The following TBCD variants were observed in gnomAD, a reference collection of about 807,000 sequenced individuals.
TBCD encodes tubulin-specific chaperone D.
TBCD carries 105 observed loss-of-function variants against 169.3 expected under a neutral mutation model. The ratio of observed to expected loss-of-function variants is 0.62; its 90% CI spans 0.53 to 0.73. The LOEUF is 0.73. Among genes scored for constraint, TBCD ranks in the 30% least tolerant of loss-of-function variants. The pLI is 0.00. For missense variants in TBCD, 1,444 were observed against 1,600.1 expected (o/e 0.90, Z 1.66); for synonymous variants, 700 against 643.9 (o/e 1.09, Z -1.32).
chr17:82,796,599 A>G (rs1218565109), intron 7 of TBCD, among the ~76,000 whole-genome samples: 1 of 152,184 alleles, frequency 6.6e-6, no homozygotes, highest in Non-Finnish European at 1.5e-5. Flanking sequence ...GCTCTGCTCC[A>G]CAGGCGTGAC....
intron 15 of TBCD, among the ~76,000 whole-genome samples, chr17:82,886,979 T>C (rs1207088436): frequency 1.3e-5 from 2 of 151,728 alleles, no homozygotes; most frequent in East Asian, 2.0e-4. Flanking sequence ...GAGATTTACA[T>C]GGAGTTTTAA....
At chr17:82,781,875 C>T (rs2048968634) in intron 7 of TBCD, among the ~76,000 whole-genome samples, 154 bp downstream of exon 7, 2 of 152,196 alleles carry the variant, frequency 1.3e-5, no homozygotes, top group African/African-American at 4.8e-5. Flanking sequence ...TTTCCTTTTC[C>T]CTCTGCTTTG....
At chr17:82,783,684 T>C (rs2049104009) in intron 7 of TBCD, among the ~76,000 whole-genome samples, 1 of 152,224 alleles carries the variant, frequency 6.6e-6, no homozygotes, top group Non-Finnish European at 1.5e-5. Flanking sequence ...CAGTGCCTCG[T>C]TCCCTTTATG....
At chr17:82,881,836 A>G (rs1007988476) in intron 14 of TBCD, among the ~76,000 whole-genome samples, 6 of 151,994 alleles carry the variant, frequency 3.9e-5, no homozygotes. Flanking sequence ...CTTTCCATCT[A>G]TGAATTTCTG....
In TBCD at chr17:82,752,190, CG is replaced by C; in HGVS notation, c.-3del. 4.0e-6 allele frequency: 6 copies of C among 1,516,196 alleles called. No homozygotes were observed. Among genetic ancestry groups the C allele is most frequent in the Non-Finnish European group, 5.3e-6 (6 of 1,134,516 alleles). The allele number at this position is 1,516,196 out of a possible 1,614,324, so 93.9% of individuals were successfully genotyped here. On this transcript the variant is annotated 5_prime_UTR_variant, in exon 1 of 39. Transcript: ENST00000355528. The stretch of plus-strand genomic sequence containing the variant: ...GGCGGGGGCGCGGTCCCCAGGCTGC[CG>C]AGATGGCCCTGAGCGACGAACCGGC...
rs144024145 is a variant in TBCD at position 82,824,251 on chromosome 17, G to A, written c.1318+9317G>A. 8.3e-3 allele frequency among the ~76,000 whole-genome samples: 1,261 copies of A among 151,382 alleles called. 12 individuals are homozygous for A. The highest frequency in any genetic ancestry group is 0.03 in the African/African-American group (1,220 of 41,192). On this transcript the variant is annotated intron_variant, in intron 13 of 38. Transcript: ENST00000355528. ...GGCTGGAGTGCAGTGGTGCGATCTC[G>A]GCTCACTGCAAGCTCCGCCTCCCAG...
chr17:82,942,382 G>GT, intron 38 of TBCD, 67 bp from the exon 39 acceptor site: 1 of 1,609,010 alleles, frequency 6.2e-7, no homozygotes, highest in Non-Finnish European at 8.5e-7. Context: ...GAGGGGTGAG[G>GT]GTCCCCTGGC....
chr17:82,831,663 G>C lies in TBCD; in HGVS notation c.1318+16729G>C. On this transcript the variant is annotated intron_variant, in intron 13 of 38. Transcript: ENST00000355528. The surrounding 1 kb of genome is among the most constrained non-coding windows in gnomAD (Gnocchi z 4.6). ...GCAGGGGTGCGTCACACTCAGGCGA[G>C]CTCCCAGCCAGCAGGTAAGGCGAGT... 1 of 1,614,204 alleles carries C rather than the reference G, an allele frequency of 6.2e-7. No individual in the cohort carries two copies.
At chr17:82,777,561 C>G (rs950307183) in intron 6 of TBCD, among the ~76,000 whole-genome samples, 1 of 152,204 alleles carries the variant, frequency 6.6e-6, no homozygotes, top group Non-Finnish European at 1.5e-5. Flanking sequence ...ACGGGGGGCC[C>G]TTCCCTGCCT....
At position 82,808,443 on chromosome 17, in the gene TBCD, G is replaced by T. The variant is rs111325765; in HGVS notation, c.1148+775G>T. Among the ~76,000 whole-genome samples, 153 of 139,724 alleles carry T rather than the reference G, an allele frequency of 1.1e-3. 1 individual carries two copies. The highest frequency in any genetic ancestry group is 4.0e-3 in the African/African-American group (146 of 36,886). The allele number at this position is 139,724 out of a possible 152,430, so 91.7% of individuals were successfully genotyped here. On this transcript the variant is annotated intron_variant, in intron 11 of 38. Coordinates refer to ENST00000355528, the MANE Select transcript of TBCD (RefSeq NM_005993.5). Reference sequence around the variant, plus strand: ...GTGCGGGGGCAGTAGGTGTTGAGGTGGGGGGAGGCCCCTGCTGTGGAGGGG... The same window carrying T: ...GTGCGGGGGCAGTAGGTGTTGAGGTTGGGGGAGGCCCCTGCTGTGGAGGGG...
intron 6 of TBCD, among the ~76,000 whole-genome samples, chr17:82,773,675 GTCT>G (rs1340285680): frequency 2.0e-5 from 3 of 151,778 alleles, no homozygotes; most frequent in Admixed American, 1.3e-4. Context: ...GTGCGCCATT[GTCT>G]TCTTCCAAAA....
intron 6 of TBCD, among the ~76,000 whole-genome samples, chr17:82,777,604 G>A (rs1423995085): frequency 6.6e-6 from 1 of 152,190 alleles, no homozygotes; most frequent in Non-Finnish European, 1.5e-5. Context: ...AGAGGAGAAG[G>A]AGATAAACAG....
rs556335990 is a variant in TBCD, at chr17:82,805,780, C to T, written c.951-95C>T. The T allele has an allele frequency of 1.6e-4, 230 of 1,432,332 alleles. 1 individual carries two copies. The highest frequency in any genetic ancestry group is 5.3e-4 in the East Asian group (23 of 43,202). 88.7% of individuals were successfully genotyped at this position (1,432,332 alleles called of 1,614,324 possible). A position where few individuals can be genotyped will look rare whatever the true frequency, so the allele number is the denominator to read the frequency against. On this transcript the variant is annotated intron_variant, in intron 9 of 38. Transcript: ENST00000355528. ...AAAGTGCATGGAATTTTCACAGGCA[C>T]GCTTTAAGATTCAAAGTGACACTGA...
chr17:82,788,901 ACAGT>A (rs1220138592), intron 7 of TBCD, among the ~76,000 whole-genome samples: 1 of 152,218 alleles, frequency 6.6e-6, no homozygotes, highest in African/African-American at 2.4e-5. Context: ...GCTAATTAGC[ACAGT>A]CAGTCTTTGA....
rs1453873255 is a variant in TBCD, at chr17:82,920,527, G to A, written c.2039-29G>A. The A allele has an allele frequency of 4.0e-6, 6 of 1,514,558 alleles. No homozygotes were observed. In the African/African-American group the frequency reaches 7.4e-5, roughly 19 times the overall value. 93.8% of individuals were successfully genotyped at this position (1,514,558 alleles called of 1,614,324 possible). The stretch of plus-strand genomic sequence containing the variant: ...CAGGCGCTTTTAGAAAAGTAACATT[G>A]CGTCTATCCTTTTTTTTTTTTTTTC... On this transcript the variant is annotated intron_variant, in intron 23 of 38. Coordinates refer to ENST00000355528, the MANE Select transcript of TBCD (RefSeq NM_005993.5). The surrounding 1 kb of genome is among the most constrained non-coding windows in gnomAD (Gnocchi z 4.1).
intron 19 of TBCD, among the ~76,000 whole-genome samples, chr17:82,905,148 C>T (rs1371932237): frequency 1.3e-5 from 2 of 152,186 alleles, no homozygotes. Context: ...GAGGCACCAC[C>T]CCTGGGGGCA....
chr17:82,871,964 G>A (rs549789098), intron 14 of TBCD, among the ~76,000 whole-genome samples: 184 of 152,204 alleles, frequency 1.2e-3, no homozygotes, highest in Admixed American at 4.6e-3. Context: ...GCACACGCTG[G>A]TGTAGGCTCC....
chr17:82,894,074 A>T (rs2059320800), intron 17 of TBCD, among the ~76,000 whole-genome samples: 1 of 144,482 alleles, frequency 6.9e-6, no homozygotes. Flanking sequence ...CTTGGATTAG[A>T]AGGGACTGTT....
At chr17:82,823,508 T>C (rs79570030) in intron 13 of TBCD, among the ~76,000 whole-genome samples, 2,077 of 152,268 alleles carry the variant, frequency 0.014, 60 homozygotes, top group African/African-American at 0.047. Context: ...CGTGTGTGTT[T>C]CGTGTTGCAC....
Sources: gnomAD v4.1 joint callset for allele counts (sites outside exome capture counted in the v4.1 genomes callset) on GRCh38, gnomAD v4.1.1 for gene constraint, Gnocchi (gnomAD v3.1) non-coding constraint, MANE v1.5 for transcripts, NCBI Gene and HGNC (gene_info 2026-07-23, HGNC 2026-07-21) for gene names.